Variants in REDIC1 observed in about 807,000 individuals in gnomAD.
REDIC1 encodes regulator of DNA class I crossover intermediates 1, also known as HEI10 Interacting Protein 1.
chr12:39,779,877 C>T, the REDIC1 span, among the ~76,000 whole-genome samples: 3 of 152,188 alleles, frequency 2.0e-5, no homozygotes, highest in African/African-American at 4.8e-5. Flanking sequence ...ATCTCTGGCT[C>T]GTGTTTATCT....
At chr12:39,828,503 CA>C in the REDIC1 span, among the ~76,000 whole-genome samples, 1 of 151,934 alleles carries the variant, frequency 6.6e-6, no homozygotes, top group Non-Finnish European at 1.5e-5. Flanking sequence ...TTGTTATTTG[CA>C]AAAAAGCCAA....
At chr12:39,732,163 T>C in the REDIC1 span, among the ~76,000 whole-genome samples, 2 of 152,220 alleles carry the variant, frequency 1.3e-5, no homozygotes, top group African/African-American at 4.8e-5. Flanking sequence ...CTGATATGTC[T>C]TTTAGATCTC....
chr12:39,709,509 C>T, the REDIC1 span, among the ~76,000 whole-genome samples: 3 of 151,204 alleles, frequency 2.0e-5, no homozygotes, highest in African/African-American at 4.9e-5. Flanking sequence ...TCCTACTTGC[C>T]CCTCCCCCCA....
the REDIC1 span, among the ~76,000 whole-genome samples, chr12:39,901,730 T>C: frequency 3.7e-5 from 5 of 136,928 alleles, no homozygotes; most frequent in African/African-American, 1.4e-4. Flanking sequence ...AGGAACACTT[T>C]GACACTGTTG....
the REDIC1 span, among the ~76,000 whole-genome samples, chr12:39,789,427 A>G: frequency 1.3e-5 from 2 of 152,188 alleles, no homozygotes; most frequent in Non-Finnish European, 2.9e-5. Flanking sequence ...ATGAAAATAC[A>G]TCAGTTTATC....
the REDIC1 span, among the ~76,000 whole-genome samples, chr12:39,790,250 AG>A: frequency 6.9e-6 from 1 of 144,650 alleles, no homozygotes; most frequent in Non-Finnish European, 1.5e-5. Context: ...TTTAAGTTTT[AG>A]GGTACATGTG....
chr12:39,768,661 T>TAA, the REDIC1 span, among the ~76,000 whole-genome samples: 1 of 152,048 alleles, frequency 6.6e-6, no homozygotes, highest in Non-Finnish European at 1.5e-5. Flanking sequence ...CATTTATAAT[T>TAA]AAGTTTGACG....
At chr12:39,683,106 G>T in the REDIC1 span, 1 of 1,609,694 alleles carries the variant, frequency 6.2e-7, no homozygotes, top group Middle Eastern at 1.7e-4. Flanking sequence ...CATCTTTTGA[G>T]AACGATTACT....
At chr12:39,771,346 G>A in the REDIC1 span, among the ~76,000 whole-genome samples, 1 of 152,186 alleles carries the variant, frequency 6.6e-6, no homozygotes, top group South Asian at 2.1e-4. Context: ...GTGCTGTTGA[G>A]CTGAAGTCTC....
At chr12:39,695,936 G>A in the REDIC1 span, among the ~76,000 whole-genome samples, 1 of 152,134 alleles carries the variant, frequency 6.6e-6, no homozygotes, top group East Asian at 1.9e-4. Flanking sequence ...AGAAAGTAAG[G>A]GCAGTGACAA....
the REDIC1 span, chr12:39,682,562 C>T: frequency 4.3e-6 from 6 of 1,385,374 alleles, no homozygotes; most frequent in Non-Finnish European, 3.9e-6. Flanking sequence ...TTTCTAAATG[C>T]AAATAATCCA....
the REDIC1 span, among the ~76,000 whole-genome samples, chr12:39,900,615 G>A: frequency 2.0e-5 from 3 of 152,022 alleles, no homozygotes; most frequent in Non-Finnish European, 4.4e-5. Flanking sequence ...AAAATACCTA[G>A]GAATCCAACT....
the REDIC1 span, among the ~76,000 whole-genome samples, chr12:39,728,559 G>A: frequency 6.6e-6 from 1 of 151,966 alleles, no homozygotes. Flanking sequence ...GGTATTTAAT[G>A]GATAATTTTT....
the REDIC1 span, among the ~76,000 whole-genome samples, chr12:39,902,187 T>G: frequency 9.3e-6 from 1 of 107,416 alleles, no homozygotes; most frequent in Non-Finnish European, 1.8e-5. Flanking sequence ...CTCTGGGGAC[T>G]GTTGTGGGGT....
the REDIC1 span, among the ~76,000 whole-genome samples, chr12:39,904,152 C>T: frequency 6.6e-6 from 1 of 152,156 alleles, no homozygotes; most frequent in Non-Finnish European, 1.5e-5. Flanking sequence ...TTGGGTTACA[C>T]AGGATGCACT....
the REDIC1 span, among the ~76,000 whole-genome samples, chr12:39,631,631 G>A: frequency 6.6e-6 from 1 of 152,066 alleles, no homozygotes; most frequent in African/African-American, 2.4e-5. Flanking sequence ...AAAATATTTG[G>A]GCTAAATACT....
At chr12:39,748,193 GACAC>G in the REDIC1 span, among the ~76,000 whole-genome samples, 462 of 152,198 alleles carry the variant, frequency 3.0e-3, 1 homozygote, top group African/African-American at 0.011. Flanking sequence ...CACATTCAGA[GACAC>G]ACATAGGCTC....
At chr12:39,866,688 C>T in the REDIC1 span, among the ~76,000 whole-genome samples, 2 of 152,234 alleles carry the variant, frequency 1.3e-5, no homozygotes, top group Admixed American at 6.5e-5. Flanking sequence ...ACCGTGTTAG[C>T]CAGGATGGTC....
chr12:39,876,029 C>T, the REDIC1 span, among the ~76,000 whole-genome samples: 3 of 152,156 alleles, frequency 2.0e-5, no homozygotes, highest in Non-Finnish European at 1.5e-5. Flanking sequence ...GCAGGCATAC[C>T]TTCTCCTTTC....
Sources: allele counts gnomAD v4.1 joint callset (sites outside exome capture counted in the v4.1 genomes callset), GRCh38; gene constraint gnomAD v4.1.1; transcripts MANE v1.5; gene names NCBI Gene and HGNC (gene_info 2026-07-23, HGNC 2026-07-21).